The following ZNF431 variants were observed in gnomAD, a reference collection of about 807,000 sequenced individuals.
ZNF431 encodes the protein zinc finger protein 431.
Under a neutral mutation model 57.0 loss-of-function variants are expected in ZNF431, and 34 were observed. The observed-to-expected ratio is 0.60, with a 90% confidence interval of 0.45 to 0.79. ZNF431 has a LOEUF of 0.79. Among genes scored for constraint, ZNF431 ranks in the 30% least tolerant of loss-of-function variants. The pLI is 0.00. For synonymous variants in ZNF431, 207 were observed against 220.3 expected, an observed-to-expected ratio of 0.94 and a Z score of 0.54; for missense variants, 607 against 667.1, an observed-to-expected ratio of 0.91 and a Z score of 0.99.
rs1349697125 is a variant in ZNF431, at chr19:21,185,275, CAG to C, written c.*1244_*1245del. 2 of 152,092 alleles carry C rather than the reference CAG, an allele frequency of 1.3e-5. No individual in the cohort carries two copies. Among genetic ancestry groups the C allele is most frequent in the Admixed American group, 6.5e-5 (1 of 15,272 alleles). The allele number at this position is 152,092 out of a possible 1,614,324, so 9.4% of individuals were successfully genotyped here. A position where few individuals can be genotyped will look rare whatever the true frequency, so the allele number is the denominator to read the frequency against. On this transcript the variant is annotated 3_prime_UTR_variant, in exon 5 of 5. Transcript: ENST00000311048. ...TTTAAGAGGATCAGAAGGTTTTTTG[CAG>C]AGTTATAATTACATTCAAAGTATAC...
chr19:21,143,056 G>C (rs542879880), intron 1 of ZNF431, among the ~76,000 whole-genome samples: 11 of 152,124 alleles, frequency 7.2e-5, no homozygotes, highest in African/African-American at 2.7e-4. Context: ...CATTTCTCCA[G>C]CCTCCCTCTG....
At chr19:21,166,243 T>A in intron 2 of ZNF431, 92 bp from the exon 3 acceptor site, 1 of 1,525,306 alleles carries the variant, frequency 6.6e-7, no homozygotes, top group Non-Finnish European at 8.8e-7. Flanking sequence ...ATCAGTTCTC[T>A]TTACTCTCTC....
At chr19:21,166,516 T>C in intron 3 of ZNF431, 55 bp downstream of exon 3, 1 of 1,525,132 alleles carries the variant, frequency 6.6e-7, no homozygotes, top group Non-Finnish European at 8.8e-7. Flanking sequence ...TTCATGTCTC[T>C]TTTTTTGTAG....
chr19:21,195,866 TAGTGA>T lies in ZNF431; in HGVS notation c.*11833_*11837del, dbSNP rs1213659444. On this transcript the variant is annotated 3_prime_UTR_variant, in exon 5 of 5. Transcript: ENST00000311048. ...TTAAATTGATCTTTTGTAATGGTGATAGTGATTAGCACACACTGAAAATCCAGCAA... is the reference window on the plus strand; with the variant it reads ...TTAAATTGATCTTTTGTAATGGTGATTTAGCACACACTGAAAATCCAGCAA... 6.6e-6 allele frequency: 1 copy of T among 152,232 alleles called. No homozygotes were observed. Among genetic ancestry groups the T allele is most frequent in the African/African-American group, 2.4e-5 (1 of 41,454 alleles). The allele number at this position is 152,232 out of a possible 1,614,324, so 9.4% of individuals were successfully genotyped here. A position where few individuals can be genotyped will look rare whatever the true frequency, so the allele number is the denominator to read the frequency against.
rs1971589651 is a variant in ZNF431 at position 21,195,470 on chromosome 19, G to A, written c.*11436G>A. The A allele has an allele frequency of 6.6e-6, 1 of 152,172 alleles. No homozygotes were observed. Among genetic ancestry groups the A allele is most frequent in the South Asian group, 2.1e-4 (1 of 4,818 alleles). The allele number at this position is 152,172 out of a possible 1,614,324, so 9.4% of individuals were successfully genotyped here. ...TTTTCTAAAAAATTTTTCTTTATGG[G>A]CGATTGAATAGTTGGGCTTTGGCTA... On this transcript the variant is annotated 3_prime_UTR_variant, in exon 5 of 5. Coordinates refer to ENST00000311048, the MANE Select transcript of ZNF431 (RefSeq NM_133473.4).
chr19:21,179,513 C>T (rs982518155), intron 4 of ZNF431, among the ~76,000 whole-genome samples: 3 of 150,786 alleles, frequency 2.0e-5, no homozygotes, highest in East Asian at 1.9e-4. Flanking sequence ...CTATAAATTT[C>T]CCTGTTAACA....
At chr19:21,161,551 CT>C (rs1244141695) in intron 2 of ZNF431, among the ~76,000 whole-genome samples, 1 of 152,136 alleles carries the variant, frequency 6.6e-6, no homozygotes, top group Non-Finnish European at 1.5e-5. Flanking sequence ...TTTAGTTTCT[CT>C]TAGGTAAACT....
intron 2 of ZNF431, among the ~76,000 whole-genome samples, chr19:21,158,195 T>C (rs1970474264): frequency 6.6e-6 from 1 of 152,074 alleles, no homozygotes; most frequent in African/African-American, 2.4e-5. Context: ...GTTTGTGTCA[T>C]CTCTGACTTT....
intron 2 of ZNF431, chr19:21,149,889 C>A: frequency 1.6e-6 from 1 of 634,672 alleles, no homozygotes. Context: ...CTTACCTTCC[C>A]CTTGATAATG....
chr19:21,174,715 G>C (rs73028565), intron 4 of ZNF431, among the ~76,000 whole-genome samples: 5 of 151,762 alleles, frequency 3.3e-5, no homozygotes, highest in African/African-American at 4.8e-5. Context: ...AGCTACTAAG[G>C]CATCTTATTT....
Position 21,188,932 on chromosome 19 carries a change from G to T in ZNF431, c.*4898G>T, listed in dbSNP as rs1450713966. 1 of 151,950 alleles carries T rather than the reference G, an allele frequency of 6.6e-6. No individual in the cohort carries two copies. Among genetic ancestry groups the T allele is most frequent in the East Asian group, 1.9e-4 (1 of 5,182 alleles). 9.4% of individuals were successfully genotyped at this position (151,950 alleles called of 1,614,324 possible). A position where few individuals can be genotyped will look rare whatever the true frequency, so the allele number is the denominator to read the frequency against. On this transcript the variant is annotated 3_prime_UTR_variant, in exon 5 of 5. Coordinates refer to ENST00000311048, the MANE Select transcript of ZNF431 (RefSeq NM_133473.4). ...TTGGCTCCTCCCATGCAATGTGCTGGGTCCAAACCATGCTGTTAAATATCA... is the reference window on the plus strand; with the variant it reads ...TTGGCTCCTCCCATGCAATGTGCTGTGTCCAAACCATGCTGTTAAATATCA...
In ZNF431 at chr19:21,182,942, T is replaced by C; in HGVS notation, c.639T>C (p.Phe213=). 1 of 1,614,120 alleles carries C rather than the reference T, an allele frequency of 6.2e-7. No homozygotes were observed. The highest frequency in any genetic ancestry group is 8.5e-7 in the Non-Finnish European group (1 of 1,179,964). ...AATGTAAAAAATGTGGCAAATCATT[T>C]TGCATGCTTTTACACCTAAGTCAAC... ...PFKCKKCGKS[F]CMLLHLSQHK... is the part of the protein sequence containing the mutation. The change falls in exon 5 of 5, where the codon TTT becomes TTC. Residue 213 remains phenylalanine, a synonymous_variant. Transcript: ENST00000311048.
intron 2 of ZNF431, chr19:21,150,303 G>T: frequency 2.2e-6 from 1 of 456,600 alleles, no homozygotes; most frequent in Non-Finnish European, 4.1e-6. Flanking sequence ...CTTTTGGGCT[G>T]GATGTCCTGC....
At chr19:21,142,628 A>C (rs1325468088) in intron 1 of ZNF431, among the ~76,000 whole-genome samples, 1 of 152,184 alleles carries the variant, frequency 6.6e-6, no homozygotes, top group East Asian at 1.9e-4. Flanking sequence ...TTAATCAAAG[A>C]GTGATTCAAA....
chr19:21,171,263 T>G (rs930279463), intron 4 of ZNF431, among the ~76,000 whole-genome samples: 4 of 152,220 alleles, frequency 2.6e-5, no homozygotes, highest in Admixed American at 1.3e-4. Context: ...CTGCCTTCCC[T>G]GAGTACACAG....
chr19:21,150,695 G>C (rs1970245981), intron 2 of ZNF431, among the ~76,000 whole-genome samples: 1 of 152,062 alleles, frequency 6.6e-6, no homozygotes, highest in Non-Finnish European at 1.5e-5. Context: ...TTTCCTAGGT[G>C]GTCAAGATTA....
rs942950461 is a variant in ZNF431, at chr19:21,183,724, A to G, written c.1421A>G (p.His474Arg). Residue 474 changes from histidine to arginine, a missense_variant, in exon 5 of 5, where the codon CAT becomes CGT. His to Arg is a conservative substitution (Grantham distance 29). Coordinates refer to ENST00000311048, the MANE Select transcript of ZNF431 (RefSeq NM_133473.4). The part of the protein sequence containing the change: ...AFSQSSILTT[H>R]KRIHTGEKPY... ...AGCCAGTCATCAATCCTTACTACAC[A>G]TAAGAGAATTCACACTGGAGAGAAA... 12 of 1,613,774 alleles carry G rather than the reference A, an allele frequency of 7.4e-6. No homozygotes were observed. In the Admixed American group the frequency reaches 1.7e-4, roughly 22 times the overall value.
rs1276079697 is a variant in ZNF431, at chr19:21,193,825, G to A, written c.*9791G>A. ...CAATAGATGCAGAAAAAGCATTCAA[G>A]AAAATCCAGTATTCATTTATGAAAA... is the stretch of plus-strand genomic sequence containing the variant. On this transcript the variant is annotated 3_prime_UTR_variant, in exon 5 of 5. Coordinates refer to ENST00000311048, the MANE Select transcript of ZNF431 (RefSeq NM_133473.4). 1 of 152,012 alleles carries A rather than the reference G, an allele frequency of 6.6e-6. No homozygotes were observed. Among genetic ancestry groups the A allele is most frequent in the Non-Finnish European group, 1.5e-5 (1 of 67,990 alleles). The allele number at this position is 152,012 out of a possible 1,614,324, so 9.4% of individuals were successfully genotyped here.
In ZNF431 at chr19:21,189,164, AATT is replaced by A. The variant is rs1361768797; in HGVS notation, c.*5137_*5139del. On this transcript the variant is annotated 3_prime_UTR_variant, in exon 5 of 5. Transcript: ENST00000311048. The stretch of plus-strand genomic sequence containing the variant: ...ATATTTTGAAGTATATATATAGTTA[AATT>A]ATTATTTCTAGGTAATTAATAATTT... 1.3e-5 allele frequency: 2 copies of A among 152,174 alleles called. No individual in the cohort carries two copies. Among genetic ancestry groups the A allele is most frequent in the African/African-American group, 2.4e-5 (1 of 41,438 alleles). 9.4% of individuals were successfully genotyped at this position (152,174 alleles called of 1,614,324 possible).
Sources: gnomAD v4.1 joint callset for allele counts (sites outside exome capture counted in the v4.1 genomes callset) on GRCh38, gnomAD v4.1.1 for gene constraint, MANE v1.5 for transcripts, NCBI Gene and HGNC (gene_info 2026-07-23, HGNC 2026-07-21) for gene names.